ARHGAP10: variants seen among roughly 807,000 people sequenced by gnomAD.
ARHGAP10 encodes the protein Rho GTPase activating protein 10.
Under a neutral mutation model 108.6 loss-of-function variants are expected in ARHGAP10, and 87 were observed. That is an observed-to-expected ratio of 0.80 (90% CI 0.67 to 0.96). ARHGAP10 has a LOEUF of 0.96. Ranked by LOEUF, ARHGAP10 falls within the 40% of genes least tolerant of loss-of-function variation. The pLI is 0.00. For missense variants in ARHGAP10, 939 were observed against 954.5 expected, an observed-to-expected ratio of 0.98 and a Z score of 0.21; for synonymous variants, 347 against 341.1, an observed-to-expected ratio of 1.02 and a Z score of -0.19.
At chr4:148,002,360 T>A (rs1740755109) in intron 18 of ARHGAP10, among the ~76,000 whole-genome samples, 1 of 152,226 alleles carries the variant, frequency 6.6e-6, no homozygotes. Flanking sequence ...TCAGGGATAT[T>A]GGTCTAAAAT....
intron 1 of ARHGAP10, among the ~76,000 whole-genome samples, chr4:147,808,600 T>A (rs532885374): frequency 6.6e-6 from 1 of 152,038 alleles, no homozygotes; most frequent in African/African-American, 2.4e-5. Flanking sequence ...GTGTTCACAG[T>A]GGAGATAGAG....
chr4:147,956,821 T>C (rs1051008092), intron 16 of ARHGAP10, among the ~76,000 whole-genome samples: 1 of 152,012 alleles, frequency 6.6e-6, no homozygotes, highest in Non-Finnish European at 1.5e-5. Flanking sequence ...GTTAGTTACA[T>C]ATGTTTTAAA....
chr4:147,976,869 T>C (rs751297736), intron 18 of ARHGAP10, among the ~76,000 whole-genome samples: 9 of 152,216 alleles, frequency 5.9e-5, no homozygotes, highest in Non-Finnish European at 1.2e-4. Flanking sequence ...AGGGCTCCAA[T>C]ATAAAGTGTG....
chr4:147,839,126 A>ATCTG (rs1280086467), intron 3 of ARHGAP10, among the ~76,000 whole-genome samples: 8 of 148,714 alleles, frequency 5.4e-5, no homozygotes, highest in African/African-American at 1.5e-4. Flanking sequence ...CTATCTATCT[A>ATCTG]TCTATCTATC....
chr4:147,828,140 GA>G, intron 3 of ARHGAP10, among the ~76,000 whole-genome samples: 1 of 152,114 alleles, frequency 6.6e-6, no homozygotes, highest in Non-Finnish European at 1.5e-5. Flanking sequence ...AGTATTTTCT[GA>G]AATCCTAAAT....
chr4:147,955,390 A>T lies in ARHGAP10; in HGVS notation c.1450+16A>T. Reference sequence around the variant, plus strand: ...GTTCCAGCCAGTAAGTATTATGTAAAGGTATATAGGAACAGTTTTGTAGTT... The same window carrying T: ...GTTCCAGCCAGTAAGTATTATGTAATGGTATATAGGAACAGTTTTGTAGTT... On this transcript the variant is annotated intron_variant, in intron 16 of 22. Transcript: ENST00000336498. The T allele has an allele frequency of 6.2e-7, 1 of 1,601,574 alleles. No individual in the cohort carries two copies.
chr4:147,804,947 C>G (rs553062938), intron 1 of ARHGAP10, among the ~76,000 whole-genome samples: 1 of 152,036 alleles, frequency 6.6e-6, no homozygotes, highest in South Asian at 2.1e-4. Flanking sequence ...TTGATAGTTT[C>G]TTTTTGCTGT....
chr4:147,773,105 G>A (rs1032471593), intron 1 of ARHGAP10, among the ~76,000 whole-genome samples: 19 of 152,124 alleles, frequency 1.2e-4, no homozygotes, highest in African/African-American at 4.6e-4. Context: ...TTGGTAGAAG[G>A]GACACTTTAT....
At chr4:147,859,379 T>A (rs1242174038) in intron 5 of ARHGAP10, among the ~76,000 whole-genome samples, 2 of 151,966 alleles carry the variant, frequency 1.3e-5, no homozygotes. Flanking sequence ...TTCAAGCGAT[T>A]TTCCTGCCTC....
intron 4 of ARHGAP10, chr4:147,854,618 C>A: frequency 1.2e-6 from 1 of 812,706 alleles, no homozygotes; most frequent in Non-Finnish European, 1.5e-6. Context: ...AAAAAAAAAG[C>A]TCCATTCTTT....
intron 3 of ARHGAP10, among the ~76,000 whole-genome samples, chr4:147,844,264 C>T (rs1043047965): frequency 8.6e-5 from 13 of 152,008 alleles, no homozygotes; most frequent in African/African-American, 3.1e-4. Flanking sequence ...TTGATAGAGG[C>T]GTGCAATGTA....
intron 12 of ARHGAP10, among the ~76,000 whole-genome samples, chr4:147,911,423 C>T (rs575303128): frequency 9.2e-5 from 14 of 152,260 alleles, no homozygotes; most frequent in African/African-American, 2.6e-4. Context: ...AGTGCAGGGG[C>T]GCAATTTCAG....
chr4:147,912,596 TATAA>T (rs1736801332), intron 12 of ARHGAP10, among the ~76,000 whole-genome samples: 1 of 104,962 alleles, frequency 9.5e-6, no homozygotes, highest in Non-Finnish European at 1.9e-5. Context: ...TATATATATA[TATAA>T]AATTCCTGTG....
In ARHGAP10 at chr4:147,857,557, A is replaced by G; in HGVS notation, c.389A>G (p.Glu130Gly). 6.8e-7 allele frequency: 1 copy of G among 1,471,128 alleles called. No individual in the cohort carries two copies. Among genetic ancestry groups the G allele is most frequent in the Non-Finnish European group, 9.0e-7 (1 of 1,111,294 alleles). 91.1% of individuals were successfully genotyped at this position (1,471,128 alleles called of 1,614,324 possible). A position where few individuals can be genotyped will look rare whatever the true frequency, so the allele number is the denominator to read the frequency against. Residue 130 changes from glutamate to glycine, a missense_variant, in exon 5 of 23, where the codon GAA (glutamate) becomes GGA (glycine). Glu to Gly is a moderately conservative substitution (Grantham distance 98). Transcript: ENST00000336498. Reference protein sequence around the residue: ...RKEQLGAVKEEKKKFDKETEK... With the variant: ...RKEQLGAVKEGKKKFDKETEK... ...TAGTTTTTTTTTTATTTGTAGGAAG[A>G]AAAAAAGAAGTTTGACAAAGAGACA...
In ARHGAP10 at chr4:147,946,682, A is replaced by G; in HGVS notation, c.1369A>G (p.Ser457Gly). 1 of 1,611,872 alleles carries G rather than the reference A, an allele frequency of 6.2e-7. No individual in the cohort carries two copies. ...AGATTGGGAAGTGAAGACAATAACAAGTGCCTTGAAACAGTATTTGAGGTA... is the reference window on the plus strand; with the variant it reads ...AGATTGGGAAGTGAAGACAATAACAGGTGCCTTGAAACAGTATTTGAGGTA... Reference protein sequence around the residue: ...SADWEVKTITSALKQYLRSLP... With the variant: ...SADWEVKTITGALKQYLRSLP... The change falls in exon 15 of 23, where the codon AGT (serine) becomes GGT (glycine). Residue 457 changes from serine to glycine, a missense_variant. Ser to Gly is a moderately conservative substitution (Grantham distance 56). Coordinates refer to ENST00000336498, the MANE Select transcript of ARHGAP10 (RefSeq NM_024605.4).
intron 19 of ARHGAP10, among the ~76,000 whole-genome samples, chr4:148,043,561 T>G (rs1560889404): frequency 7.3e-6 from 1 of 137,658 alleles, no homozygotes; most frequent in Non-Finnish European, 1.5e-5. Flanking sequence ...GGAGAATCAC[T>G]TGAACCTAGA....
intron 18 of ARHGAP10, among the ~76,000 whole-genome samples, chr4:148,008,848 G>T (rs529145660): frequency 2.0e-5 from 3 of 152,098 alleles, no homozygotes; most frequent in South Asian, 2.1e-4. Context: ...TTAAGACATT[G>T]AATTAAAACA....
chr4:147,919,049 C>T (rs1021089843), intron 13 of ARHGAP10, among the ~76,000 whole-genome samples: 2 of 152,220 alleles, frequency 1.3e-5, no homozygotes, highest in African/African-American at 2.4e-5. Context: ...CTCAGTTCTC[C>T]TTACCTCTTT....
In ARHGAP10 at chr4:147,821,042, A is replaced by G. The variant is rs566889699; in HGVS notation, c.155-1685A>G. 3.6e-3 allele frequency among the ~76,000 whole-genome samples: 549 copies of G among 152,278 alleles called. 2 individuals are homozygous for G. The highest frequency in any genetic ancestry group is 0.014 in the Middle Eastern group (4 of 294). ...GTTACATGTCCCTCCAAACAGCCTC[A>G]TGCATGTACAGGGCTGGCTGGCTGG... On this transcript the variant is annotated intron_variant, in intron 1 of 22. Transcript: ENST00000336498.
Sources: allele counts gnomAD v4.1 joint callset (sites outside exome capture counted in the v4.1 genomes callset), GRCh38; gene constraint gnomAD v4.1.1; transcripts MANE v1.5; gene names NCBI Gene and HGNC (gene_info 2026-07-23, HGNC 2026-07-21).